MACROD1: variants seen among roughly 807,000 people sequenced by gnomAD.
MACROD1 encodes the protein mono-ADP ribosylhydrolase 1.
In MACROD1, 31 loss-of-function variants were observed where a neutral mutation model predicts 41.4. The observed-to-expected ratio is 0.75, with a 90% confidence interval of 0.56 to 1.01. The LOEUF is 1.01. MACROD1 is among the 50% of genes least tolerant of loss of function. The pLI, the probability that MACROD1 is intolerant of heterozygous loss-of-function variation, is 0.00. For missense variants in MACROD1, 473 were observed against 460.0 expected (o/e 1.03, Z -0.26); for synonymous variants, 252 against 203.4 (o/e 1.24, Z -2.03).
intron 4 of MACROD1, among the ~76,000 whole-genome samples, chr11:64,011,919 T>C (rs1013814059): frequency 3.3e-5 from 5 of 152,054 alleles, no homozygotes; most frequent in Admixed American, 1.3e-4. Context: ...AGCAGGGGTA[T>C]AGGGGAGGGC....
At chr11:64,017,939 G>T (rs1174815164) in intron 3 of MACROD1, among the ~76,000 whole-genome samples, 1 of 152,230 alleles carries the variant, frequency 6.6e-6, no homozygotes. Flanking sequence ...CTGTGGGAAG[G>T]TGATGCCATT....
chr11:64,061,039 C>A (rs1038359163), intron 3 of MACROD1, among the ~76,000 whole-genome samples: 1 of 152,154 alleles, frequency 6.6e-6, no homozygotes, highest in African/African-American at 2.4e-5. Flanking sequence ...CTCCTCCTCC[C>A]TTGTCTTGAT....
chr11:64,018,937 G>T lies in MACROD1; in HGVS notation c.518-3656C>A, dbSNP rs145821458. Among the ~76,000 whole-genome samples the T allele has an allele frequency of 1.9e-3, 287 of 152,314 alleles. 1 individual carries two copies. The highest frequency in any genetic ancestry group is 0.015 in the East Asian group (78 of 5,166). ...AGGTGGGGGATGGGCACTGGACTGC[G>T]AGTCCAAGCTGGGGCTCATGATCCA... is the stretch of plus-strand genomic sequence containing the variant. On this transcript the variant is annotated intron_variant, in intron 3 of 10. Transcript: ENST00000255681.
At chr11:64,129,617 A>G (rs1450968465) in intron 3 of MACROD1, among the ~76,000 whole-genome samples, 1 of 152,162 alleles carries the variant, frequency 6.6e-6, no homozygotes, top group African/African-American at 2.4e-5. Context: ...GGTTCTTGGC[A>G]GGACCTTTGG....
At chr11:64,035,721 C>CCTT (rs1943363193) in intron 3 of MACROD1, among the ~76,000 whole-genome samples, 2 of 144,514 alleles carry the variant, frequency 1.4e-5, no homozygotes, top group African/African-American at 2.5e-5. Context: ...CCGTCCTCCT[C>CCTT]CCCCTCCCCT....
intron 4 of MACROD1, among the ~76,000 whole-genome samples, chr11:64,010,130 G>GGGGTTGGCTGGGGTGTTGGTTGGA (rs1565192948): frequency 6.7e-6 from 1 of 149,546 alleles, no homozygotes; most frequent in Admixed American, 6.6e-5. Context: ...TGTTGGTTGG[G>GGGGTTGGCTGGGGTGTTGGTTGGA]GGGTTGGTTG....
intron 3 of MACROD1, among the ~76,000 whole-genome samples, chr11:64,092,845 T>C (rs1944513188): frequency 6.6e-6 from 1 of 152,248 alleles, no homozygotes; most frequent in Non-Finnish European, 1.5e-5. Context: ...GGTTAACACG[T>C]GTCACCAAAG....
chr11:64,002,246 G>A (rs183001578), intron 4 of MACROD1, among the ~76,000 whole-genome samples: 1 of 152,304 alleles, frequency 6.6e-6, no homozygotes, highest in East Asian at 1.9e-4. Flanking sequence ...CGAAGTCTCT[G>A]GGGGCTCACC....
chr11:64,070,060 C>G (rs972072791), intron 3 of MACROD1, among the ~76,000 whole-genome samples: 10 of 152,168 alleles, frequency 6.6e-5, no homozygotes, highest in African/African-American at 2.2e-4. Flanking sequence ...TAAGCACTCC[C>G]TGCAGCCTCT....
chr11:64,001,237 G>C, intron 4 of MACROD1: 1 of 598,626 alleles, frequency 1.7e-6, no homozygotes, highest in East Asian at 2.8e-5. Flanking sequence ...ACCCCTCATC[G>C]GCTGTGAGAT....
chr11:64,165,652 C>G, intron 1 of MACROD1, 45 bp downstream of exon 1: 1 of 1,341,066 alleles, frequency 7.5e-7, no homozygotes, highest in Non-Finnish European at 9.6e-7. Flanking sequence ...GGAAGCTCCA[C>G]GTGAGGCCGC....
rs544625946 is a variant in MACROD1, at chr11:64,152,418, G to A, written c.299-25C>T. The A allele has an allele frequency of 6.9e-6, 11 of 1,589,424 alleles. No homozygotes were observed. The Admixed American group carries it at 1.2e-4, about 17-fold the overall frequency. ...GCTGCAGAGGCAGGAAGGAGGATCA[G>A]GGTGGGGGCAGAGGAACGGGCCTGG... On this transcript the variant is annotated intron_variant, in intron 1 of 10. Transcript: ENST00000255681.
At chr11:64,165,041 G>A (rs1356649189) in intron 1 of MACROD1, among the ~76,000 whole-genome samples, 1 of 152,206 alleles carries the variant, frequency 6.6e-6, no homozygotes, top group Admixed American at 6.5e-5. Flanking sequence ...CTCTGTTCCT[G>A]GCATGAGCAA....
At chr11:64,137,941 A>G (rs576033991) in intron 3 of MACROD1, among the ~76,000 whole-genome samples, 1 of 152,366 alleles carries the variant, frequency 6.6e-6, no homozygotes, top group Non-Finnish European at 1.5e-5. Context: ...AAATAAGTAA[A>G]TGTTTTTTAA....
chr11:64,143,955 C>G (rs1208199074), intron 3 of MACROD1, among the ~76,000 whole-genome samples: 2 of 152,102 alleles, frequency 1.3e-5, no homozygotes, highest in African/African-American at 4.8e-5. Context: ...ATTAACTGCA[C>G]ACGGTATGAA....
chr11:64,105,603 TAA>T (rs1230086802), intron 3 of MACROD1, among the ~76,000 whole-genome samples: 1 of 152,070 alleles, frequency 6.6e-6, no homozygotes, highest in Non-Finnish European at 1.5e-5. Context: ...CTCCTAATGC[TAA>T]GAGGCGTGAC....
chr11:64,114,317 G>A (rs891669044), intron 3 of MACROD1, among the ~76,000 whole-genome samples: 8 of 100,714 alleles, frequency 7.9e-5, no homozygotes, highest in African/African-American at 2.1e-4. Context: ...CATGGATGAC[G>A]GATGGATGGA....
chr11:64,056,431 G>A (rs952512645), intron 3 of MACROD1, among the ~76,000 whole-genome samples: 1 of 152,206 alleles, frequency 6.6e-6, no homozygotes, highest in South Asian at 2.1e-4. Context: ...GGCTGCCTGA[G>A]GGGAGGAGGG....
chr11:64,160,660 A>T (rs542895887), intron 1 of MACROD1, among the ~76,000 whole-genome samples: 77 of 152,102 alleles, frequency 5.1e-4, no homozygotes, highest in African/African-American at 1.7e-3. Context: ...AGACATTTTT[A>T]AAAACATTAG....
Sources: allele counts gnomAD v4.1 joint callset (sites outside exome capture counted in the v4.1 genomes callset), GRCh38; gene constraint gnomAD v4.1.1; transcripts MANE v1.5; gene names NCBI Gene and HGNC (gene_info 2026-07-23, HGNC 2026-07-21).